The following SORCS2 variants were observed in gnomAD, a reference collection of about 807,000 sequenced individuals.
SORCS2 encodes the protein sortilin related VPS10 domain containing receptor 2.
Under a neutral mutation model 141.6 loss-of-function variants are expected in SORCS2, and 100 were observed. The ratio of observed to expected loss-of-function variants is 0.71; its 90% CI spans 0.60 to 0.83. The LOEUF is 0.83. Among genes scored for constraint, SORCS2 ranks in the 40% least tolerant of loss-of-function variants. The probability of loss-of-function intolerance (pLI) is 0.00; values close to 1 mark genes in which losing one functional copy is unlikely to be tolerated. For missense variants in SORCS2, 1,646 were observed against 1,560.2 expected (o/e 1.05, Z -0.93); for synonymous variants, 789 against 676.9 (o/e 1.17, Z -2.57).
chr4:7,728,381 C>T lies in SORCS2; in HGVS notation c.2901C>T (p.Ser967=). 4 of 1,613,786 alleles carry T rather than the reference C, an allele frequency of 2.5e-6. No homozygotes were observed. The highest frequency in any genetic ancestry group is 3.4e-6 in the Non-Finnish European group (4 of 1,179,830). Residue 967 remains serine (S), a synonymous_variant, in exon 22 of 27, where the codon TCC becomes TCT. Coordinates refer to ENST00000507866, the MANE Select transcript of SORCS2 (RefSeq NM_020777.3). The part of the protein sequence containing the change: ...DQFQVMPLQF[S]KELDAYNPNT... ...TTCAAGTCATGCCTCTGCAGTTTTC[C>T]AAGGAGCTGGATGCCTACAACCCCA...
At chr4:7,543,986 A>G (rs1034993728) in intron 3 of SORCS2, among the ~76,000 whole-genome samples, 4 of 146,898 alleles carry the variant, frequency 2.7e-5, no homozygotes, top group African/African-American at 7.7e-5. Context: ...CCATCCGTCC[A>G]TCCATCCACT....
rs1023659822 is a variant in SORCS2, at chr4:7,461,702, G to A, written c.548+65347G>A. On this transcript the variant is annotated intron_variant, in intron 2 of 26. Transcript: ENST00000507866. ...CTCCCCGGCCCTTCCACGGTCTGCA[G>A]CCATCCTCAGGATATAGCCCAGAGG... 5.3e-5 allele frequency among the ~76,000 whole-genome samples: 8 copies of A among 152,222 alleles called. No individual in the cohort carries two copies. In the East Asian group the frequency reaches 1.2e-3, roughly 22 times the overall value.
intron 1 of SORCS2, among the ~76,000 whole-genome samples, chr4:7,328,650 C>T (rs1040799021): frequency 2.5e-4 from 38 of 152,258 alleles, no homozygotes; most frequent in African/African-American, 7.9e-4. Flanking sequence ...AGCTGCCCAC[C>T]GACAGCCCTG....
At chr4:7,365,891 G>A (rs1721853132) in intron 1 of SORCS2, among the ~76,000 whole-genome samples, 1 of 152,192 alleles carries the variant, frequency 6.6e-6, no homozygotes, top group African/African-American at 2.4e-5. Context: ...AGGGACCAAG[G>A]GTGTCATTGC....
At chr4:7,327,703 G>T (rs570534700) in intron 1 of SORCS2, among the ~76,000 whole-genome samples, 1 of 152,256 alleles carries the variant, frequency 6.6e-6, no homozygotes, top group South Asian at 2.1e-4. Context: ...GTGCAGACCC[G>T]TCAGACCCTT....
At chr4:7,532,290 C>T (rs1002914669) in intron 3 of SORCS2, among the ~76,000 whole-genome samples, 15 of 152,198 alleles carry the variant, frequency 9.9e-5, no homozygotes, top group African/African-American at 3.4e-4. Flanking sequence ...AAGCAGTTCA[C>T]GGTCACAGAA....
chr4:7,399,615 A>G (rs529318726), intron 2 of SORCS2, among the ~76,000 whole-genome samples: 1 of 151,984 alleles, frequency 6.6e-6, no homozygotes, highest in South Asian at 2.1e-4. Context: ...GGGGGTGAGG[A>G]GGGAAGCACC....
In SORCS2 at chr4:7,629,047, T is replaced by C. The variant is rs959172022; in HGVS notation, c.649-9281T>C. On this transcript the variant is annotated intron_variant, in intron 3 of 26. Coordinates refer to ENST00000507866, the MANE Select transcript of SORCS2 (RefSeq NM_020777.3). Reference sequence around the variant, plus strand: ...CTACCAGCTGTGGGTTAGGAGGAGCTGGTCATCTGGAGTTCCCTTCCCTCG... The same window carrying C: ...CTACCAGCTGTGGGTTAGGAGGAGCCGGTCATCTGGAGTTCCCTTCCCTCG... Among the ~76,000 whole-genome samples, 5 of 152,116 alleles carry C rather than the reference T, an allele frequency of 3.3e-5. No individual in the cohort carries two copies. In the East Asian group the frequency reaches 9.7e-4, roughly 29 times the overall value.
chr4:7,715,131 C>A (rs933060686), intron 16 of SORCS2, 52 bp from the exon 17 acceptor site: 2 of 1,602,702 alleles, frequency 1.2e-6, no homozygotes, highest in Non-Finnish European at 1.7e-6. Context: ...CCCTGGGTGA[C>A]TCCGGTTCCC....
chr4:7,205,739 G>A (rs1262927210), intron 1 of SORCS2, among the ~76,000 whole-genome samples: 3 of 152,224 alleles, frequency 2.0e-5, no homozygotes, highest in Admixed American at 2.0e-4. Context: ...AGAATCAGGA[G>A]CATGTAGAAA....
At chr4:7,321,887 G>C (rs1335298881) in intron 1 of SORCS2, among the ~76,000 whole-genome samples, 1 of 152,182 alleles carries the variant, frequency 6.6e-6, no homozygotes, top group African/African-American at 2.4e-5. Flanking sequence ...GGGCTGGAAA[G>C]GTGTTCGATT....
intron 3 of SORCS2, among the ~76,000 whole-genome samples, chr4:7,582,407 C>T (rs915974411): frequency 7.9e-5 from 12 of 152,186 alleles, no homozygotes; most frequent in East Asian, 7.7e-4. Context: ...GGTAGTTGAA[C>T]ATCTGGATGA....
At chr4:7,545,240 C>T (rs1713165520) in intron 3 of SORCS2, among the ~76,000 whole-genome samples, 1 of 152,026 alleles carries the variant, frequency 6.6e-6, no homozygotes, top group South Asian at 2.1e-4. Context: ...TCTGGAGTTC[C>T]TCCCTCTTCT....
chr4:7,560,840 G>C (rs6835393), intron 3 of SORCS2, among the ~76,000 whole-genome samples: 87,920 of 152,004 alleles, frequency 0.58, 28,052 homozygotes, highest in East Asian at 0.91. Flanking sequence ...TAATCTCTGA[G>C]AGTTAGACAC....
At chr4:7,602,440 G>A (rs1304548544) in intron 3 of SORCS2, among the ~76,000 whole-genome samples, 1 of 151,688 alleles carries the variant, frequency 6.6e-6, no homozygotes, top group Non-Finnish European at 1.5e-5. Context: ...CCCAGACAGG[G>A]TCGCGGCCAG....
At chr4:7,515,991 G>T in intron 2 of SORCS2, among the ~76,000 whole-genome samples, 1 of 152,146 alleles carries the variant, frequency 6.6e-6, no homozygotes. Flanking sequence ...CTCGGCTCTC[G>T]CAGCAGGGTT....
At position 7,468,870 on chromosome 4, in the gene SORCS2, T is replaced by G. The variant is rs547284151; in HGVS notation, c.549-62660T>G. On this transcript the variant is annotated intron_variant, in intron 2 of 26. Coordinates refer to ENST00000507866, the MANE Select transcript of SORCS2 (RefSeq NM_020777.3). The stretch of plus-strand genomic sequence containing the variant: ...CCTATCCAAAACGCCGTATCTGTTG[T>G]CAGGCAGCTCTGTGTTTCTCTCCCT... Among the ~76,000 whole-genome samples the G allele has an allele frequency of 5.9e-5, 9 of 152,342 alleles. No homozygotes were observed. In the East Asian group the frequency reaches 1.7e-3, roughly 29 times the overall value.
chr4:7,379,724 G>A (rs1722875118), intron 1 of SORCS2, among the ~76,000 whole-genome samples: 1 of 152,126 alleles, frequency 6.6e-6, no homozygotes, highest in Non-Finnish European at 1.5e-5. Flanking sequence ...CTAAGCAGAG[G>A]CAAGGGACTC....
At chr4:7,551,765 C>T (rs1368379306) in intron 3 of SORCS2, among the ~76,000 whole-genome samples, 2 of 152,218 alleles carry the variant, frequency 1.3e-5, no homozygotes, top group African/African-American at 4.8e-5. Flanking sequence ...GAGCCAAGCT[C>T]TTTATCAGAT....
Sources: gnomAD v4.1 joint callset for allele counts (sites outside exome capture counted in the v4.1 genomes callset) on GRCh38, gnomAD v4.1.1 for gene constraint, MANE v1.5 for transcripts, NCBI Gene and HGNC (gene_info 2026-07-23, HGNC 2026-07-21) for gene names.